Variants in IMPA1 observed in about 807,000 individuals in gnomAD.
IMPA1 encodes D-galactose 1-phosphate phosphatase.
A neutral mutation model predicts 34.9 loss-of-function variants in IMPA1; 21 were observed. The ratio of observed to expected loss-of-function variants is 0.60; its 90% CI spans 0.43 to 0.87. The LOEUF is 0.87. IMPA1 is among the 40% of genes least tolerant of loss of function. IMPA1 has a pLI of 0.00. For synonymous variants in IMPA1, 95 were observed against 104.4 expected, an observed-to-expected ratio of 0.91 and a Z score of 0.55; for missense variants, 299 against 336.4, an observed-to-expected ratio of 0.89 and a Z score of 0.87.
At chr8:81,678,700 A>G in intron 4 of IMPA1, 1 of 173,478 alleles carries the variant, frequency 5.8e-6, no homozygotes, top group South Asian at 1.1e-4. Flanking sequence ...CTTAAAAAAA[A>G]AAAACCATAT....
intron 1 of IMPA1, among the ~76,000 whole-genome samples, chr8:81,682,784 G>A (rs554720165): frequency 2.2e-4 from 33 of 152,044 alleles, no homozygotes; most frequent in Non-Finnish European, 4.3e-4. Context: ...AATTCTTCAG[G>A]ACCCATTTCA....
chr8:81,663,624 A>G (rs1464632329), intron 7 of IMPA1, among the ~76,000 whole-genome samples: 1 of 152,234 alleles, frequency 6.6e-6, no homozygotes, highest in East Asian at 1.9e-4. Flanking sequence ...TAATATTTTC[A>G]CAAAGAAAAA....
chr8:81,675,512 G>A (rs1449796245), intron 5 of IMPA1, among the ~76,000 whole-genome samples: 2 of 152,206 alleles, frequency 1.3e-5, no homozygotes, highest in Non-Finnish European at 2.9e-5. Flanking sequence ...GAAAGCTCAT[G>A]TAGCTTCTTC....
At chr8:81,680,424 C>T (rs1807264111) in intron 3 of IMPA1, among the ~76,000 whole-genome samples, 1 of 152,180 alleles carries the variant, frequency 6.6e-6, no homozygotes, top group African/African-American at 2.4e-5. Context: ...AGAGAAGCTA[C>T]CAGCAGACAA....
chr8:81,679,125 C>T lies in IMPA1; in HGVS notation c.302+1G>A. 6.3e-7 allele frequency: 1 copy of T among 1,577,392 alleles called. No homozygotes were observed. Among genetic ancestry groups the T allele is most frequent in the Non-Finnish European group, 8.7e-7 (1 of 1,146,562 alleles). ...ATTATATTAGACATTTTAAAACATA[C>T]CTATGTACAAAGTTAGTTGTTCCAT... is the stretch of plus-strand genomic sequence containing the variant. On this transcript the variant is annotated splice_donor_variant, in intron 4 of 8. Transcript: ENST00000256108. LOFTEE classifies it high-confidence loss of function.
chr8:81,668,223 T>C (rs562709817), intron 7 of IMPA1, among the ~76,000 whole-genome samples: 2 of 152,272 alleles, frequency 1.3e-5, no homozygotes, highest in Non-Finnish European at 2.9e-5. Context: ...GCTGCATGGT[T>C]ACTTTTGACC....
At chr8:81,679,254 CTT>C (rs1807220915) in intron 3 of IMPA1, 24 bp from the exon 4 acceptor site, 1 of 1,412,852 alleles carries the variant, frequency 7.1e-7, no homozygotes. Context: ...AGGACAAACT[CTT>C]AATCTTTACA....
At chr8:81,685,557 T>C (rs959606116) in intron 1 of IMPA1, among the ~76,000 whole-genome samples, 9 of 146,146 alleles carry the variant, frequency 6.2e-5, no homozygotes, top group African/African-American at 2.0e-4. Flanking sequence ...AGTATATTTA[T>C]GTACTATATA....
intron 7 of IMPA1, among the ~76,000 whole-genome samples, chr8:81,669,763 T>C (rs562752707): frequency 4.6e-5 from 7 of 152,260 alleles, no homozygotes; most frequent in Middle Eastern, 3.4e-3. Context: ...AGGGGTGGAA[T>C]GCTGTGGTTT....
intron 7 of IMPA1, among the ~76,000 whole-genome samples, chr8:81,663,938 C>A (rs1349774401): frequency 6.6e-6 from 1 of 152,028 alleles, no homozygotes; most frequent in Non-Finnish European, 1.5e-5. Flanking sequence ...ACTCCAGAGA[C>A]AAAGGCAGGA....
rs558559040 is a variant in IMPA1 at position 81,660,140 on chromosome 8, C to T, written c.718+376G>A. 9.2e-5 allele frequency among the ~76,000 whole-genome samples: 14 copies of T among 152,136 alleles called. No individual in the cohort carries two copies. In the East Asian group the frequency reaches 2.3e-3, roughly 25 times the overall value. Reference sequence around the variant, plus strand: ...ATGAGCTAAAAAAAATTTTTTTAATCGCAAAAAACTCATTATGTTTTAAGA... The same window carrying T: ...ATGAGCTAAAAAAAATTTTTTTAATTGCAAAAAACTCATTATGTTTTAAGA... On this transcript the variant is annotated intron_variant, in intron 8 of 8. Coordinates refer to ENST00000256108, the MANE Select transcript of IMPA1 (RefSeq NM_005536.4).
In IMPA1 at chr8:81,673,753, C is replaced by A. The variant is rs567497475; in HGVS notation, c.457+88G>T. On this transcript the variant is annotated intron_variant, in intron 6 of 8. Transcript: ENST00000256108. ...AACACAATTTATGAATCAGTTAACA[C>A]CTGGAGAATTCCATAGGTGAATATT... The A allele has an allele frequency of 1.7e-5, 13 of 745,726 alleles. 1 individual carries two copies. In the East Asian group the frequency reaches 2.3e-4, roughly 13 times the overall value. The allele number at this position is 745,726 out of a possible 1,614,324, so 46.2% of individuals were successfully genotyped here.
chr8:81,681,391 G>T, intron 2 of IMPA1, 107 bp downstream of exon 2: 1 of 701,038 alleles, frequency 1.4e-6, no homozygotes, highest in South Asian at 1.7e-5. Context: ...AAGCAAGACC[G>T]TTTCAAAAAA....
chr8:81,659,806 TC>T (rs1325095995), intron 8 of IMPA1, among the ~76,000 whole-genome samples: 1 of 152,206 alleles, frequency 6.6e-6, no homozygotes, highest in East Asian at 1.9e-4. Context: ...TTTCCTTATT[TC>T]TTTGTTGCCT....
chr8:81,666,499 G>A (rs916488384), intron 7 of IMPA1, among the ~76,000 whole-genome samples: 4 of 152,192 alleles, frequency 2.6e-5, no homozygotes, highest in Admixed American at 2.6e-4. Context: ...TGCTGTATAT[G>A]ACAGGCACAC....
At chr8:81,685,946 G>A in intron 1 of IMPA1, 1 of 1,523,152 alleles carries the variant, frequency 6.6e-7, no homozygotes, top group Non-Finnish European at 8.8e-7. Flanking sequence ...GCCTGGGGAT[G>A]CACCAAGTTT....
intron 1 of IMPA1, among the ~76,000 whole-genome samples, chr8:81,682,530 T>C (rs1277054310): frequency 6.6e-6 from 1 of 152,198 alleles, no homozygotes; most frequent in East Asian, 1.9e-4. Flanking sequence ...CCTGATGCTT[T>C]TTCTTCCTGA....
chr8:81,668,079 T>C (rs919458805), intron 7 of IMPA1, among the ~76,000 whole-genome samples: 4 of 152,152 alleles, frequency 2.6e-5, no homozygotes, highest in South Asian at 2.1e-4. Flanking sequence ...TGCCTCAGCC[T>C]CTCAAAGTGC....
intron 3 of IMPA1, among the ~76,000 whole-genome samples, 159 bp from the exon 4 acceptor site, chr8:81,679,389 G>A (rs375813793): frequency 5.9e-5 from 9 of 152,130 alleles, no homozygotes; most frequent in South Asian, 2.1e-4. Context: ...CAGGGAGGGC[G>A]GATCACCTGA....
Sources: allele counts gnomAD v4.1 joint callset (sites outside exome capture counted in the v4.1 genomes callset), GRCh38; gene constraint gnomAD v4.1.1; transcripts MANE v1.5; gene names NCBI Gene and HGNC (gene_info 2026-07-23, HGNC 2026-07-21).